PDE8B: variants seen among roughly 807,000 people sequenced by gnomAD.
The protein encoded by PDE8B is phosphodiesterase 8B, also known as high affinity cAMP-specific and IBMX-insensitive 3',5'-cyclic phosphodiesterase 8B.
PDE8B carries 26 observed loss-of-function variants against 101.3 expected under a neutral mutation model. That is an observed-to-expected ratio of 0.26 (90% confidence interval 0.19 to 0.36). The LOEUF (loss-of-function observed/expected upper bound fraction) is 0.36, where lower values mean the gene tolerates loss of function less well. Among genes scored for constraint, PDE8B ranks in the 10% least tolerant of loss-of-function variants. The pLI, the probability that PDE8B is intolerant of heterozygous loss-of-function variation, is 1.00. For missense variants in PDE8B, 810 were observed against 1,163.1 expected (o/e 0.70, Z 4.42); for synonymous variants, 424 against 429.3 (o/e 0.99, Z 0.15).
chr5:77,227,362 C>T (rs1752615548), intron 1 of PDE8B, among the ~76,000 whole-genome samples: 1 of 152,076 alleles, frequency 6.6e-6, no homozygotes, highest in Non-Finnish European at 1.5e-5. Context: ...GTTTTCTTGG[C>T]TCACAAGTTG....
chr5:77,414,264 A>G (rs1438788408), intron 17 of PDE8B, among the ~76,000 whole-genome samples: 1 of 152,212 alleles, frequency 6.6e-6, no homozygotes, highest in African/African-American at 2.4e-5. Context: ...TTTCATCAGC[A>G]AGGAAACAAT....
Position 77,426,584 on chromosome 5 carries a change from G to T in PDE8B, c.*30G>T. The stretch of plus-strand genomic sequence containing the variant: ...AAGCCACAGAGGGGGCCTCTTGACC[G>T]ACAAAGGACACTGTGAATCACAGTA... On this transcript the variant is annotated 3_prime_UTR_variant, in exon 22 of 22. Transcript: ENST00000264917. 1 of 1,125,440 alleles carries T rather than the reference G, an allele frequency of 8.9e-7. No individual in the cohort carries two copies. The highest frequency in any genetic ancestry group is 1.2e-5 in the South Asian group (1 of 80,554). The allele number at this position is 1,125,440 out of a possible 1,614,324, so 69.7% of individuals were successfully genotyped here.
At chr5:77,174,402 C>CT in the PDE8B span, among the ~76,000 whole-genome samples, 17 of 152,084 alleles carry the variant, frequency 1.1e-4, no homozygotes, top group South Asian at 4.2e-4. Flanking sequence ...CTATTCTTTC[C>CT]TTTTTTTTCC....
the PDE8B span, among the ~76,000 whole-genome samples, chr5:77,122,826 T>C: frequency 1.3e-5 from 2 of 152,036 alleles, no homozygotes; most frequent in Non-Finnish European, 1.5e-5. Flanking sequence ...CTAAACAAAA[T>C]GTAGGAAAAA....
At chr5:77,405,479 A>G (rs755275528) in intron 12 of PDE8B, among the ~76,000 whole-genome samples, 2 of 152,196 alleles carry the variant, frequency 1.3e-5, no homozygotes, top group Non-Finnish European at 2.9e-5. Context: ...TAGGAAGCTA[A>G]CCTGCAACCC....
At chr5:77,208,252 TC>T (rs770828160), upstream of PDE8B, among the ~76,000 whole-genome samples, 15 of 152,326 alleles carry the variant, frequency 9.8e-5, no homozygotes, top group South Asian at 3.1e-3. Context: ...GGTGCTTTTT[TC>T]TGGGTGGTTT....
At chr5:77,156,417 A>G in the PDE8B span, among the ~76,000 whole-genome samples, 3 of 152,334 alleles carry the variant, frequency 2.0e-5, no homozygotes, top group South Asian at 2.1e-4. Flanking sequence ...ATGTAGGTAG[A>G]TTGAAAAAGG....
the PDE8B span, among the ~76,000 whole-genome samples, chr5:77,165,933 A>C: frequency 6.6e-6 from 1 of 150,536 alleles, no homozygotes; most frequent in South Asian, 2.1e-4. Flanking sequence ...GAACCCAGGA[A>C]GCAGAGGTTG....
intron 1 of PDE8B, chr5:77,291,717 G>T: frequency 6.3e-7 from 1 of 1,593,474 alleles, no homozygotes. Context: ...TGGCAGTGAT[G>T]CCTGGAAACA....
intron 1 of PDE8B, among the ~76,000 whole-genome samples, chr5:77,273,711 T>C (rs1763239702): frequency 6.6e-6 from 1 of 152,186 alleles, no homozygotes; most frequent in South Asian, 2.1e-4. Flanking sequence ...GCAAAAGCCA[T>C]TTGAGGTGGA....
intron 5 of PDE8B, among the ~76,000 whole-genome samples, chr5:77,333,578 T>C (rs1444516476): frequency 1.3e-5 from 2 of 152,220 alleles, no homozygotes; most frequent in Admixed American, 1.3e-4. Flanking sequence ...ATGTACGTGC[T>C]GTTGAGTGTC....
At chr5:77,181,554 C>G in the PDE8B span, among the ~76,000 whole-genome samples, 1 of 152,216 alleles carries the variant, frequency 6.6e-6, no homozygotes, top group Non-Finnish European at 1.5e-5. Flanking sequence ...CCCATCCATT[C>G]TGCTTCTGGC....
At chr5:77,210,624 C>A (rs1748043586), upstream of PDE8B, 3 of 978,646 alleles carry the variant, frequency 3.1e-6, no homozygotes, top group Admixed American at 1.9e-4. The surrounding 1 kb of genome is among the most constrained non-coding windows in gnomAD (Gnocchi z 4.9). Context: ...GCGCGGGGAG[C>A]GTGTTTGGGG....
At chr5:77,247,887 A>G (rs1757294593) in intron 1 of PDE8B, among the ~76,000 whole-genome samples, 2 of 152,130 alleles carry the variant, frequency 1.3e-5, no homozygotes, top group African/African-American at 4.8e-5. Context: ...TCTCCTAAGC[A>G]CCATGTGTAG....
intron 16 of PDE8B, among the ~76,000 whole-genome samples, chr5:77,412,513 C>G (rs1189512096): frequency 1.3e-5 from 2 of 151,444 alleles, no homozygotes; most frequent in African/African-American, 4.9e-5. Context: ...TCAAACTTGT[C>G]GAAGCTCTAC....
At chr5:77,222,934 A>G (rs1007651059) in intron 1 of PDE8B, among the ~76,000 whole-genome samples, 15 of 152,196 alleles carry the variant, frequency 9.9e-5, no homozygotes, top group Admixed American at 7.9e-4. Flanking sequence ...GAAGGACTCT[A>G]AAGTCTGGTG....
chr5:77,415,595 A>G (rs1795373320), intron 17 of PDE8B, among the ~76,000 whole-genome samples: 1 of 151,940 alleles, frequency 6.6e-6, no homozygotes, highest in African/African-American at 2.4e-5. Context: ...CTGACCTCAG[A>G]TAATCCACCC....
In PDE8B at chr5:77,211,389, A is replaced by G; in HGVS notation, c.339+125A>G. On this transcript the variant is annotated intron_variant, in intron 1 of 21. Transcript: ENST00000264917. This position sits in a 1 kb window ranked among gnomAD's most constrained non-coding sequence, Gnocchi z 4.1. ...GGTTGGTTTGGAGAGGTTGTCACTA[A>G]GGAGGAGTTTACTTTTCATTTGTGG... 7.1e-6 allele frequency: 6 copies of G among 843,030 alleles called. No individual in the cohort carries two copies. Among genetic ancestry groups the G allele is most frequent in the Non-Finnish European group, 1.1e-5 (6 of 565,530 alleles). 52.2% of individuals were successfully genotyped at this position (843,030 alleles called of 1,614,324 possible).
the PDE8B span, among the ~76,000 whole-genome samples, chr5:77,167,080 A>G: frequency 6.6e-6 from 1 of 152,248 alleles, no homozygotes; most frequent in Non-Finnish European, 1.5e-5. Context: ...AAGATTTAAC[A>G]TCTGAAAGTT....
Sources: gnomAD v4.1 joint callset for allele counts (sites outside exome capture counted in the v4.1 genomes callset) on GRCh38, gnomAD v4.1.1 for gene constraint, Gnocchi (gnomAD v3.1) non-coding constraint, MANE v1.5 for transcripts, NCBI Gene and HGNC (gene_info 2026-07-23, HGNC 2026-07-21) for gene names.